The following KIF6 variants were observed in gnomAD, a reference collection of about 807,000 sequenced individuals.
The protein encoded by KIF6 is kinesin family member 6.
Under a neutral mutation model 112.7 loss-of-function variants are expected in KIF6, and 106 were observed. The ratio of observed to expected loss-of-function variants is 0.94; its 90% confidence interval spans 0.80 to 1.11. The LOEUF is 1.11. Ranked by LOEUF, KIF6 falls within the 50% of genes least tolerant of loss-of-function variation. The probability of loss-of-function intolerance (pLI) is 0.00; values close to 1 mark genes in which losing one functional copy is unlikely to be tolerated. For synonymous variants in KIF6, 339 were observed against 339.9 expected (o/e 1.00, Z 0.03); for missense variants, 929 against 964.0 (o/e 0.96, Z 0.48).
chr6:39,501,188 G>T (rs1247941876), intron 13 of KIF6, among the ~76,000 whole-genome samples: 2 of 152,116 alleles, frequency 1.3e-5, no homozygotes, highest in Non-Finnish European at 2.9e-5. Flanking sequence ...CCAGGTATGG[G>T]AAGAACTGAG....
At chr6:39,678,265 C>G (rs972150723) in intron 3 of KIF6, among the ~76,000 whole-genome samples, 2 of 151,984 alleles carry the variant, frequency 1.3e-5, no homozygotes, top group South Asian at 4.2e-4. Context: ...GGATCTAGAA[C>G]TAGAAATACC....
intron 13 of KIF6, among the ~76,000 whole-genome samples, chr6:39,480,548 G>A (rs1360218161): frequency 1.3e-5 from 2 of 151,918 alleles, no homozygotes; most frequent in Non-Finnish European, 2.9e-5. Flanking sequence ...CCTGGTTTTG[G>A]TATTACGGTG....
At chr6:39,383,573 T>C (rs1240785819) in intron 16 of KIF6, among the ~76,000 whole-genome samples, 1 of 152,244 alleles carries the variant, frequency 6.6e-6, no homozygotes, top group Non-Finnish European at 1.5e-5. Context: ...CCTTGTAGTT[T>C]AGTTTGTAAT....
At chr6:39,622,654 T>C (rs1318484779) in intron 5 of KIF6, among the ~76,000 whole-genome samples, 1 of 152,194 alleles carries the variant, frequency 6.6e-6, no homozygotes. Context: ...TTAAAGACAC[T>C]AGACTTTCCC....
At chr6:39,638,106 G>A (rs1480951961) in intron 4 of KIF6, among the ~76,000 whole-genome samples, 2 of 151,918 alleles carry the variant, frequency 1.3e-5, no homozygotes, top group African/African-American at 4.8e-5. Flanking sequence ...GAGTTTCAAG[G>A]GTTCTCTGAA....
At chr6:39,612,111 C>T (rs1720632070) in intron 6 of KIF6, among the ~76,000 whole-genome samples, 3 of 152,078 alleles carry the variant, frequency 2.0e-5, no homozygotes, top group Non-Finnish European at 4.4e-5. Context: ...AAAATAATAA[C>T]AGATATCAAT....
chr6:39,712,373 A>T (rs189983013), intron 3 of KIF6, among the ~76,000 whole-genome samples: 122 of 152,250 alleles, frequency 8.0e-4, no homozygotes, highest in African/African-American at 2.8e-3. Context: ...ATAAAGAGGA[A>T]TATTTCTTAT....
chr6:39,695,948 A>G (rs1398083020), intron 3 of KIF6, among the ~76,000 whole-genome samples: 2 of 152,246 alleles, frequency 1.3e-5, no homozygotes, highest in Non-Finnish European at 2.9e-5. Flanking sequence ...TATATACACC[A>G]TGGAATACCA....
chr6:39,522,271 A>G (rs1308018394), intron 13 of KIF6, among the ~76,000 whole-genome samples: 1 of 152,118 alleles, frequency 6.6e-6, no homozygotes, highest in Non-Finnish European at 1.5e-5. Context: ...CTCCGTTGAG[A>G]TTTGTAACAT....
intron 22 of KIF6, among the ~76,000 whole-genome samples, chr6:39,336,957 TCTC>T (rs1423793572): frequency 6.6e-6 from 1 of 150,436 alleles, no homozygotes; most frequent in African/African-American, 2.5e-5. Flanking sequence ...TTCTCTTTCT[TCTC>T]TTTCATTCTT....
At position 39,613,305 on chromosome 6, in the gene KIF6, G is replaced by T. The variant is rs1224763328; in HGVS notation, c.523C>A (p.Leu175Met). The T allele has an allele frequency of 6.3e-7, 1 of 1,588,194 alleles. No homozygotes were observed. The highest frequency in any genetic ancestry group is 8.5e-7 in the Non-Finnish European group (1 of 1,169,658). Residue 175 changes from leucine (L) to methionine (M), a missense_variant, in exon 6 of 23, where the codon CTG becomes ATG. Leu to Met is a conservative substitution (Grantham distance 15). Coordinates refer to ENST00000287152, the MANE Select transcript of KIF6 (RefSeq NM_145027.6). ...SLEDLPKVTI[L>M]EDPDQNIHLK... ...TGAATGTTCTGATCAGGATCCTCCA[G>T]TATTGTCACTTTCCTAAGCAAATGG...
intron 13 of KIF6, among the ~76,000 whole-genome samples, chr6:39,519,952 G>A (rs1777296366): frequency 6.6e-6 from 1 of 152,282 alleles, no homozygotes; most frequent in African/African-American, 2.4e-5. Context: ...AACCCGGGGG[G>A]CAGAGGTTGC....
At chr6:39,445,172 A>C (rs544713125) in intron 13 of KIF6, among the ~76,000 whole-genome samples, 13 of 152,338 alleles carry the variant, frequency 8.5e-5, no homozygotes, top group African/African-American at 3.1e-4. Flanking sequence ...AATAGGTTAT[A>C]CACTTGAAAT....
At chr6:39,644,160 CA>C (rs59112697) in intron 3 of KIF6, among the ~76,000 whole-genome samples, 80,529 of 147,000 alleles carry the variant, frequency 0.55, 24,419 homozygotes, top group African/African-American at 0.84. Flanking sequence ...ATGGCTAAAA[CA>C]AAAAAAAAAA....
chr6:39,457,015 C>T (rs1335669892), intron 13 of KIF6, among the ~76,000 whole-genome samples: 18 of 143,464 alleles, frequency 1.3e-4, no homozygotes, highest in Non-Finnish European at 2.4e-4. Context: ...CTGCACCAAG[C>T]AGACCTAATA....
At chr6:39,645,777 A>ATAC (rs1267801907) in intron 3 of KIF6, among the ~76,000 whole-genome samples, 2 of 152,158 alleles carry the variant, frequency 1.3e-5, no homozygotes, top group East Asian at 3.8e-4. Context: ...ATACCATGGA[A>ATAC]TACTATGCGG....
intron 3 of KIF6, among the ~76,000 whole-genome samples, chr6:39,700,373 C>T (rs113379928): frequency 0.019 from 2,926 of 152,242 alleles, 52 homozygotes; most frequent in Non-Finnish European, 0.028. Context: ...TAAATTACTT[C>T]GAAATGTAAG....
chr6:39,393,434 CAT>C (rs1162433172), intron 15 of KIF6, among the ~76,000 whole-genome samples: 1 of 152,282 alleles, frequency 6.6e-6, no homozygotes, highest in South Asian at 2.1e-4. Context: ...AATTAGGTCA[CAT>C]GTGTCAAGTG....
chr6:39,458,499 A>G (rs1257502242), intron 13 of KIF6, among the ~76,000 whole-genome samples: 4 of 150,490 alleles, frequency 2.7e-5, no homozygotes, highest in Non-Finnish European at 5.9e-5. Flanking sequence ...CCTATTCAAC[A>G]TAGTGTTGGA....
Sources: allele counts gnomAD v4.1 joint callset (sites outside exome capture counted in the v4.1 genomes callset), GRCh38; gene constraint gnomAD v4.1.1; transcripts MANE v1.5; gene names NCBI Gene and HGNC (gene_info 2026-07-23, HGNC 2026-07-21).